The following GSDME variants were observed in gnomAD, a reference collection of about 807,000 sequenced individuals.
GSDME encodes gasdermin E.
GSDME carries 44 observed loss-of-function variants against 47.5 expected under a neutral mutation model. The observed-to-expected ratio is 0.93, with a 90% confidence interval of 0.73 to 1.19. The LOEUF is 1.19. Among genes scored for constraint, GSDME ranks in the 50% most tolerant of loss-of-function variants. The probability of loss-of-function intolerance (pLI) is 0.00; values close to 1 mark genes in which losing one functional copy is unlikely to be tolerated. For missense variants in GSDME, 663 were observed against 604.2 expected, an observed-to-expected ratio of 1.10 and a Z score of -1.02; for synonymous variants, 258 against 252.8, an observed-to-expected ratio of 1.02 and a Z score of -0.20.
Position 24,736,650 on chromosome 7 carries a change from C to T in GSDME, c.404+7912G>A, listed in dbSNP as rs1044751612. On this transcript the variant is annotated intron_variant, in intron 3 of 9. Coordinates refer to ENST00000645220, the MANE Select transcript of GSDME (RefSeq NM_001127453.2). The surrounding 1 kb of genome is among the most constrained non-coding windows in gnomAD (Gnocchi z 4.6). ...TCAACATCAGACTTAATCTGCACTA[C>T]AGACCAAACAGACCCAATAGATATA... 2.6e-5 allele frequency among the ~76,000 whole-genome samples: 4 copies of T among 152,164 alleles called. No homozygotes were observed. The highest frequency in any genetic ancestry group is 9.7e-5 in the African/African-American group (4 of 41,440).
chr7:24,785,922 T>G, the GSDME span, among the ~76,000 whole-genome samples: 1 of 152,206 alleles, frequency 6.6e-6, no homozygotes, highest in Non-Finnish European at 1.5e-5. Context: ...ATATCCAATA[T>G]AATTCTTCCA....
chr7:24,720,649 C>T (rs778440400), intron 3 of GSDME, among the ~76,000 whole-genome samples: 3 of 152,250 alleles, frequency 2.0e-5, no homozygotes, highest in Non-Finnish European at 4.4e-5. Flanking sequence ...GGCACAGTGG[C>T]TTATGCCTGT....
chr7:24,722,671 C>T (rs1007645747), intron 3 of GSDME, among the ~76,000 whole-genome samples: 5 of 152,208 alleles, frequency 3.3e-5, no homozygotes, highest in Non-Finnish European at 5.9e-5. Context: ...CCACTGAACA[C>T]TGGACACTGC....
intron 6 of GSDME, among the ~76,000 whole-genome samples, chr7:24,708,652 C>T (rs1179594572): frequency 1.3e-5 from 2 of 152,210 alleles, no homozygotes; most frequent in East Asian, 1.9e-4. Context: ...TAGAGCCATA[C>T]AAATTCCAAA....
At position 24,716,846 on chromosome 7, in the gene GSDME, T is replaced by C. The variant is rs1789576274; in HGVS notation, c.697+408A>G. On this transcript the variant is annotated intron_variant, in intron 5 of 9. Transcript: ENST00000645220. This position sits in a 1 kb window ranked among gnomAD's most constrained non-coding sequence, Gnocchi z 4.5. ...CACACAGCCCTGTGAAGAAATGCCC[T>C]TCACCTTCCAGAGACAGGGAAGCCA... is the stretch of plus-strand genomic sequence containing the variant. The C allele has an allele frequency of 2.4e-5, 7 of 292,102 alleles. No individual in the cohort carries two copies. The South Asian group carries it at 2.7e-4, about 11-fold the overall frequency. 18.1% of individuals were successfully genotyped at this position (292,102 alleles called of 1,614,324 possible). A position where few individuals can be genotyped will look rare whatever the true frequency, so the allele number is the denominator to read the frequency against.
Position 24,699,055 on chromosome 7 carries a change from G to A in GSDME, c.1462C>T (p.Leu488Phe). 5.6e-6 allele frequency: 9 copies of A among 1,613,640 alleles called. No individual in the cohort carries two copies. The highest frequency in any genetic ancestry group is 7.6e-6 in the Non-Finnish European group (9 of 1,179,544). Residue 488 changes from leucine to phenylalanine, a missense_variant, in exon 10 of 10, where the codon CTC becomes TTC. By Grantham distance (22) the Leu-to-Phe change is conservative. Transcript: ENST00000645220. ...GAATGTTCTCTGCCTAAAGCACAGA[G>A]TCCATTCAGGGTTATACAAAGAAGC... is the stretch of plus-strand genomic sequence containing the variant. The part of the protein sequence containing the change: ...PLLLCITLNG[L>F]CALGREHS
the GSDME span, among the ~76,000 whole-genome samples, chr7:24,793,585 TACA>T: frequency 6.6e-6 from 1 of 152,216 alleles, no homozygotes; most frequent in Non-Finnish European, 1.5e-5. Flanking sequence ...TTTTAAATTA[TACA>T]ACATTTCTTG....
chr7:24,773,607 T>A, the GSDME span, among the ~76,000 whole-genome samples: 13,008 of 152,264 alleles, frequency 0.085, 760 homozygotes, highest in Non-Finnish European at 0.13. This position sits in a 1 kb window ranked among gnomAD's most constrained non-coding sequence, Gnocchi z 5.4. Flanking sequence ...AGAGTCACAG[T>A]CATGTTGTAA....
chr7:24,744,984 C>CGTGTGTGTGT lies in GSDME; in HGVS notation c.212-240_212-231dup, dbSNP rs3038357. Among the ~76,000 whole-genome samples the CGTGTGTGTGT allele has an allele frequency of 9.2e-5, 11 of 119,064 alleles. No individual in the cohort carries two copies. The highest frequency in any genetic ancestry group is 6.5e-4 in the South Asian group (2 of 3,058). The allele number at this position is 119,064 out of a possible 152,430, so 78.1% of individuals were successfully genotyped here. A position where few individuals can be genotyped will look rare whatever the true frequency, so the allele number is the denominator to read the frequency against. ...GGGCACACAGTGGACCAGTGCAGCA[C>CGTGTGTGTGT]GTGTGTGTGTGTGTGTGTGTGTGTG... On this transcript the variant is annotated intron_variant, in intron 2 of 9. Transcript: ENST00000645220. The surrounding 1 kb of genome is among the most constrained non-coding windows in gnomAD (Gnocchi z 4.5).
the GSDME span, among the ~76,000 whole-genome samples, chr7:24,785,107 C>T: frequency 2.2e-4 from 33 of 152,236 alleles, no homozygotes; most frequent in South Asian, 3.1e-3. Flanking sequence ...GTTTGAGTCC[C>T]GCCTGATGCC....
In GSDME at chr7:24,716,287, C is replaced by A. The variant is rs909863924; in HGVS notation, c.697+967G>T. Among the ~76,000 whole-genome samples, 3 of 152,238 alleles carry A rather than the reference C, an allele frequency of 2.0e-5. No homozygotes were observed. Among genetic ancestry groups the A allele is most frequent in the African/African-American group, 7.2e-5 (3 of 41,452 alleles). On this transcript the variant is annotated intron_variant, in intron 5 of 9. Coordinates refer to ENST00000645220, the MANE Select transcript of GSDME (RefSeq NM_001127453.2). The surrounding 1 kb of genome is among the most constrained non-coding windows in gnomAD (Gnocchi z 4.5). ...GTCCCCTCTCAGCCAAGCCTCCTTCCCTCGGCAGCTGCCCATGCTCACACC... is the reference window on the plus strand; with the variant it reads ...GTCCCCTCTCAGCCAAGCCTCCTTCACTCGGCAGCTGCCCATGCTCACACC...
At chr7:24,748,161 TA>T (rs1425284570) in intron 2 of GSDME, among the ~76,000 whole-genome samples, 10,464 of 112,566 alleles carry the variant, frequency 0.093, 1,104 homozygotes, top group African/African-American at 0.34. Flanking sequence ...TATATATATA[TA>T]TATATATTTT....
chr7:24,701,457 T>A (rs1788864916), intron 9 of GSDME, among the ~76,000 whole-genome samples: 1 of 152,116 alleles, frequency 6.6e-6, no homozygotes, highest in Non-Finnish European at 1.5e-5. Context: ...AAGTGTGAGT[T>A]TGTCACAGAA....
Position 24,724,322 on chromosome 7 carries a change from G to A in GSDME, c.405-5104C>T, listed in dbSNP as rs897994576. ...AATGAATGGTTTATCACATAAACCC[G>A]GGCAGGACTGGAATGAGACCCTCTC... On this transcript the variant is annotated intron_variant, in intron 3 of 9. Coordinates refer to ENST00000645220, the MANE Select transcript of GSDME (RefSeq NM_001127453.2). This position sits in a 1 kb window ranked among gnomAD's most constrained non-coding sequence, Gnocchi z 4.8. Among the ~76,000 whole-genome samples the A allele has an allele frequency of 4.6e-5, 7 of 152,102 alleles. No homozygotes were observed. The highest frequency in any genetic ancestry group is 3.4e-3 in the Middle Eastern group (1 of 294).
rs906124274 is a variant in GSDME, at chr7:24,742,467, C to T, written c.404+2095G>A. On this transcript the variant is annotated intron_variant, in intron 3 of 9. Transcript: ENST00000645220. The surrounding 1 kb of genome is among the most constrained non-coding windows in gnomAD (Gnocchi z 4.4). ...CTCTGCGGATGCTCCTTTCCTTTCC[C>T]TCCCCCACTCCCTCTTCCTCCACTC... 3.3e-5 allele frequency among the ~76,000 whole-genome samples: 5 copies of T among 152,168 alleles called. No individual in the cohort carries two copies. Among genetic ancestry groups the T allele is most frequent in the African/African-American group, 1.2e-4 (5 of 41,442 alleles).
chr7:24,794,116 GTTT>G, the GSDME span, among the ~76,000 whole-genome samples: 1 of 151,132 alleles, frequency 6.6e-6, no homozygotes, highest in Admixed American at 6.6e-5. Context: ...AGTGTACACT[GTTT>G]TTTTCTTAAC....
chr7:24,791,356 G>T, the GSDME span, among the ~76,000 whole-genome samples: 1 of 152,198 alleles, frequency 6.6e-6, no homozygotes, highest in Non-Finnish European at 1.5e-5. This position sits in a 1 kb window ranked among gnomAD's most constrained non-coding sequence, Gnocchi z 4.8. Context: ...GGGCATCTTG[G>T]TGAAGTCTAC....
chr7:24,754,007 C>T lies in GSDME; in HGVS notation c.-20+3389G>A, dbSNP rs1429576382. Among the ~76,000 whole-genome samples, 1 of 152,196 alleles carries T rather than the reference C, an allele frequency of 6.6e-6. No homozygotes were observed. Among genetic ancestry groups the T allele is most frequent in the Non-Finnish European group, 1.5e-5 (1 of 68,046 alleles). On this transcript the variant is annotated intron_variant, in intron 1 of 9. Transcript: ENST00000645220. This position sits in a 1 kb window ranked among gnomAD's most constrained non-coding sequence, Gnocchi z 5.0. The stretch of plus-strand genomic sequence containing the variant: ...AGGATCTAGAACTCAAGTTGCCCGA[C>T]ACAGACAAGCACAGTCATGTCTCAG...
chr7:24,735,555 G>A lies in GSDME; in HGVS notation c.404+9007C>T, dbSNP rs911441921. 2.0e-5 allele frequency among the ~76,000 whole-genome samples: 3 copies of A among 152,042 alleles called. No homozygotes were observed. The highest frequency in any genetic ancestry group is 4.8e-5 in the African/African-American group (2 of 41,406). On this transcript the variant is annotated intron_variant, in intron 3 of 9. Coordinates refer to ENST00000645220, the MANE Select transcript of GSDME (RefSeq NM_001127453.2). This position sits in a 1 kb window ranked among gnomAD's most constrained non-coding sequence, Gnocchi z 4.4. ...GTGTATCACCTGAAGACAGGAATTC[G>A]AGACCAGACTGCCCAACATGGCGAA...
Sources: gnomAD v4.1 joint callset for allele counts (sites outside exome capture counted in the v4.1 genomes callset) on GRCh38, gnomAD v4.1.1 for gene constraint, Gnocchi (gnomAD v3.1) non-coding constraint, MANE v1.5 for transcripts, NCBI Gene and HGNC (gene_info 2026-07-23, HGNC 2026-07-21) for gene names.